MADD: variants seen among roughly 807,000 people sequenced by gnomAD.
The protein encoded by MADD is MAP kinase activating death domain, also known as MAP kinase-activating death domain protein.
A neutral mutation model predicts 176.7 loss-of-function variants in MADD; 109 were observed. The ratio of observed to expected loss-of-function variants is 0.62; its 90% CI spans 0.53 to 0.72. The LOEUF is 0.72. Among genes scored for constraint, MADD ranks in the 30% least tolerant of loss-of-function variants. MADD has a pLI of 0.00. For missense variants in MADD, 1,914 were observed against 2,045.5 expected (o/e 0.94, Z 1.24); for synonymous variants, 771 against 771.3 (o/e 1.00, Z 0.01).
chr11:47,279,799 A>T (rs1445477587), intron 7 of MADD, among the ~76,000 whole-genome samples: 1 of 151,790 alleles, frequency 6.6e-6, no homozygotes, highest in Non-Finnish European at 1.5e-5. Context: ...TTGGCTGGGC[A>T]CGGTGCCTCA....
exon 8 of MADD, chr11:47,281,646 C>A (rs1461204931): frequency 1.9e-6 from 3 of 1,613,344 alleles, no homozygotes; most frequent in African/African-American, 1.3e-5. Context: ...GCCAGGAGAT[C>A]CCCCTTCTCT....
At chr11:47,323,988 G>A (rs546403142) in intron 28 of MADD, 153 bp downstream of exon 31, 2 of 786,250 alleles carry the variant, frequency 2.5e-6, no homozygotes, top group African/African-American at 1.7e-5. Flanking sequence ...TCTCTGTCAA[G>A]CCAACTAGGC....
At chr11:47,274,866 C>A in exon 3 of MADD, 1 of 1,614,120 alleles carries the variant, frequency 6.2e-7, no homozygotes, top group Non-Finnish European at 8.5e-7. Context: ...AGGAAGGAAC[C>A]CATGCCACCT....
chr11:47,281,789 A>G, intron 8 of MADD, 36 bp downstream of exon 8: 1 of 1,500,704 alleles, frequency 6.7e-7, no homozygotes, highest in Non-Finnish European at 9.0e-7. Flanking sequence ...ACAAGTTCTT[A>G]AATTAATTTC....
At chr11:47,282,261 A>T (rs2057495452) in intron 8 of MADD, 120 bp from the exon 9 acceptor site, 1 of 708,092 alleles carries the variant, frequency 1.4e-6, no homozygotes, top group African/African-American at 1.8e-5. Flanking sequence ...TCTTTAAGAT[A>T]TCTCTCCCCT....
chr11:47,303,726 T>C (rs997430037), intron 22 of MADD, among the ~76,000 whole-genome samples: 3 of 151,478 alleles, frequency 2.0e-5, no homozygotes, highest in Non-Finnish European at 4.4e-5. Flanking sequence ...CTGCCTCAGC[T>C]TCCTGAGTAG....
At chr11:47,328,902 G>T in intron 32 of MADD, 144 bp from the exon 37 acceptor site, 1 of 951,242 alleles carries the variant, frequency 1.1e-6, no homozygotes. Context: ...CTCTCCCATG[G>T]GGACAGCTTC....
At chr11:47,315,470 G>GT (rs2092489740) in intron 27 of MADD, 143 bp downstream of exon 30, 5 of 534,930 alleles carry the variant, frequency 9.3e-6, no homozygotes, top group South Asian at 4.7e-5. Context: ...TGGTTTTTTT[G>GT]TTTTTTGCGT....
chr11:47,311,787 T>G (rs753355862), exon 26 of MADD: 2 of 1,614,102 alleles, frequency 1.2e-6, no homozygotes, highest in Non-Finnish European at 1.7e-6. Flanking sequence ...AAGTCGCACA[T>G]TGGGCTTGTG....
intron 7 of MADD, 23 bp downstream of exon 7, chr11:47,279,102 A>G: frequency 6.2e-7 from 1 of 1,607,060 alleles, no homozygotes; most frequent in Non-Finnish European, 8.5e-7. Flanking sequence ...CGAAGGAAAG[A>G]AAGGGGAGTA....
exon 6 of MADD, chr11:47,278,237 A>G: frequency 6.2e-7 from 1 of 1,614,118 alleles, no homozygotes. Context: ...GGACTTCAAA[A>G]TGCCTGATGA....
intron 3 of MADD, 44 bp from the exon 4 acceptor site, chr11:47,275,855 G>C (rs2049328498): frequency 1.3e-6 from 2 of 1,553,456 alleles, no homozygotes; most frequent in Admixed American, 1.8e-5. Context: ...TAGGGTATCA[G>C]CTTCTGATGC....
rs930918311 is a variant in MADD, at chr11:47,315,724, C to T, written c.4197+397C>T. The stretch of plus-strand genomic sequence containing the variant: ...TCCTGACCTCAAGTAATCCACCCAC[C>T]TTGGCCTTCCAAAATGCTGGTATTA... On this transcript the variant is annotated intron_variant, in intron 27 of 32. Transcript: ENST00000402192. 2.0e-5 allele frequency among the ~76,000 whole-genome samples: 3 copies of T among 152,236 alleles called. No homozygotes were observed. The South Asian group carries it at 6.2e-4, about 32-fold the overall frequency.
At chr11:47,276,194 G>C (rs1393241387) in exon 4 of MADD, 1 of 1,605,936 alleles carries the variant, frequency 6.2e-7, no homozygotes, top group East Asian at 2.2e-5. Flanking sequence ...CATTCTGTTA[G>C]AGCACAAGGT....
chr11:47,326,599 T>C (rs1013307108), intron 30 of MADD, 47 bp downstream of exon 34: 98 of 1,452,332 alleles, frequency 6.7e-5, no homozygotes, highest in Non-Finnish European at 8.6e-5. Context: ...TTTTGAGTTG[T>C]GTGCGTGTGG....
At chr11:47,274,504 A>T in intron 2 of MADD, 59 bp from the exon 3 acceptor site, 1 of 1,355,868 alleles carries the variant, frequency 7.4e-7, no homozygotes, top group Non-Finnish European at 1.0e-6. Context: ...GACTGTGGTT[A>T]AAATTTGATA....
intron 27 of MADD, among the ~76,000 whole-genome samples, chr11:47,321,473 G>A (rs2094463475): frequency 1.3e-5 from 2 of 152,210 alleles, no homozygotes; most frequent in South Asian, 4.2e-4. Context: ...GTTGGGTGTT[G>A]GGATTATAGC....
chr11:47,284,137 C>G, intron 10 of MADD, 41 bp from the exon 11 acceptor site: 2 of 1,358,846 alleles, frequency 1.5e-6, no homozygotes, highest in Non-Finnish European at 2.1e-6. Flanking sequence ...TCTCCCTGCC[C>G]CTTTCTGTTT....
At chr11:47,279,063 A>C in exon 7 of MADD, 1 of 1,613,998 alleles carries the variant, frequency 6.2e-7, no homozygotes, top group Non-Finnish European at 8.5e-7. Flanking sequence ...CTAGAGCTGA[A>C]AAAGCATTTA....
Sources: allele counts gnomAD v4.1 joint callset (sites outside exome capture counted in the v4.1 genomes callset), GRCh38; gene constraint gnomAD v4.1.1; transcripts MANE v1.5; gene names NCBI Gene and HGNC (gene_info 2026-07-23, HGNC 2026-07-21).